Variants in ITPR2 observed in about 807,000 individuals in gnomAD.
The protein encoded by ITPR2 is inositol 1,4,5-trisphosphate receptor type 2.
A neutral mutation model predicts 317.1 loss-of-function variants in ITPR2; 207 were observed. The observed-to-expected ratio is 0.65, with a 90% CI of 0.58 to 0.73. The LOEUF is 0.73. ITPR2 is among the 30% of genes least tolerant of loss of function. The probability of loss-of-function intolerance (pLI) is 0.00; values close to 1 mark genes in which losing one functional copy is unlikely to be tolerated. For missense variants in ITPR2, 2,613 were observed against 3,284.0 expected, an observed-to-expected ratio of 0.80 and a Z score of 4.99; for synonymous variants, 1,156 against 1,149.1, an observed-to-expected ratio of 1.01 and a Z score of -0.12.
chr12:26,768,580 A>C (rs1046910167), intron 2 of ITPR2, among the ~76,000 whole-genome samples: 2 of 119,872 alleles, frequency 1.7e-5, no homozygotes, highest in Non-Finnish European at 4.1e-5. Flanking sequence ...ATAAAAAAAA[A>C]AAAAAAAAAA....
intron 41 of ITPR2, among the ~76,000 whole-genome samples, chr12:26,485,901 A>AT (rs561389302): frequency 6.6e-5 from 10 of 151,750 alleles, no homozygotes; most frequent in South Asian, 2.1e-4. Context: ...TATGAGCCTG[A>AT]TTTTTTTTTC....
intron 1 of ITPR2, 65 bp from the exon 2 acceptor site, chr12:26,790,292 A>C: frequency 8.3e-7 from 1 of 1,205,480 alleles, no homozygotes; most frequent in Non-Finnish European, 1.2e-6. Context: ...CAGACTGCAC[A>C]TGGATATTGC....
intron 37 of ITPR2, among the ~76,000 whole-genome samples, chr12:26,546,118 G>C (rs1944386267): frequency 6.6e-6 from 1 of 152,034 alleles, no homozygotes; most frequent in South Asian, 2.1e-4. Flanking sequence ...TTTTTATAAG[G>C]CTTTTCCTTT....
intron 13 of ITPR2, among the ~76,000 whole-genome samples, chr12:26,681,538 T>C (rs1948029916): frequency 6.6e-6 from 1 of 152,134 alleles, no homozygotes; most frequent in African/African-American, 2.4e-5. Context: ...TTCCTTTAGG[T>C]CCTTTAGAAC....
Position 26,815,909 on chromosome 12 carries a change from C to T in ITPR2, c.92+16781G>A, listed in dbSNP as rs567459055. ...GAGATCGAGACCATCCTGGCTAACA[C>T]GGTGAAACCCCACCTCCACTAAAAA... On this transcript the variant is annotated intron_variant, in intron 1 of 56. Transcript: ENST00000381340. 8.6e-5 allele frequency among the ~76,000 whole-genome samples: 13 copies of T among 151,794 alleles called. No homozygotes were observed. The East Asian group carries it at 9.7e-4, about 11-fold the overall frequency.
In ITPR2 at chr12:26,679,158, T is replaced by C. The variant is rs141349327; in HGVS notation, c.1409+2716A>G. Among the ~76,000 whole-genome samples the C allele has an allele frequency of 1.5e-3, 229 of 152,368 alleles. 1 individual carries two copies. The highest frequency in any genetic ancestry group is 5.1e-3 in the African/African-American group (214 of 41,598). On this transcript the variant is annotated intron_variant, in intron 13 of 56. Transcript: ENST00000381340. The stretch of plus-strand genomic sequence containing the variant: ...ATAAAAGTGGGCCAGTTGTTTCTGC[T>C]TCCGGCCTTTATTCATTTCCCCTAA...
chr12:26,788,190 G>A (rs1379214734), intron 2 of ITPR2, among the ~76,000 whole-genome samples: 1 of 152,164 alleles, frequency 6.6e-6, no homozygotes, highest in East Asian at 1.9e-4. Flanking sequence ...CCAAAGTGCT[G>A]GGATTACAGG....
chr12:26,667,208 A>G (rs764020759), intron 13 of ITPR2, among the ~76,000 whole-genome samples: 3 of 152,244 alleles, frequency 2.0e-5, no homozygotes, highest in Non-Finnish European at 4.4e-5. Context: ...ATTCAGTTGG[A>G]AAACATCTCT....
chr12:26,725,619 T>A, intron 3 of ITPR2, 31 bp downstream of exon 3: 1 of 1,465,922 alleles, frequency 6.8e-7, no homozygotes, highest in Non-Finnish European at 9.6e-7. Flanking sequence ...TTGGTTAGCC[T>A]AAGCCAGACA....
chr12:26,451,365 T>TCACACACACACACACACACACACA (rs57642539), intron 45 of ITPR2, among the ~76,000 whole-genome samples: 3 of 136,324 alleles, frequency 2.2e-5, no homozygotes, highest in African/African-American at 9.0e-5. Flanking sequence ...TTCTCTCATA[T>TCACACACACACACACACACACACA]CACACACACA....
chr12:26,816,423 C>T (rs1351051560), intron 1 of ITPR2, among the ~76,000 whole-genome samples: 1 of 152,124 alleles, frequency 6.6e-6, no homozygotes, highest in African/African-American at 2.4e-5. Flanking sequence ...CTGAAGATCA[C>T]ACCATGAGAG....
At chr12:26,649,505 C>T (rs568931305) in intron 21 of ITPR2, 1 of 152,242 alleles carries the variant, frequency 6.6e-6, no homozygotes, top group Non-Finnish European at 1.5e-5. Flanking sequence ...TACTGAATTG[C>T]ATATTGCATT....
At position 26,398,839 on chromosome 12, in the gene ITPR2, T is replaced by C. The variant is rs1363719885; in HGVS notation, c.7696+37A>G. The C allele has an allele frequency of 2.6e-6, 4 of 1,551,084 alleles. No individual in the cohort carries two copies. In the South Asian group the frequency reaches 4.8e-5, roughly 19 times the overall value. On this transcript the variant is annotated intron_variant, in intron 54 of 56. Transcript: ENST00000381340. ...TAGCCCCTCTTTCCTGCAAACAGTC[T>C]ATTCATCTATTATTTTAGCATCTGC...
intron 2 of ITPR2, among the ~76,000 whole-genome samples, chr12:26,772,489 TACATATA>T (rs1240844106): frequency 3.2e-3 from 315 of 99,796 alleles, no homozygotes; most frequent in African/African-American, 9.4e-3. Context: ...ATATATATAA[TACATATA>T]ATACATGTAT....
chr12:26,750,554 C>T (rs145931803), intron 2 of ITPR2, among the ~76,000 whole-genome samples: 7 of 152,320 alleles, frequency 4.6e-5, no homozygotes, highest in East Asian at 1.9e-4. Flanking sequence ...TTATTTCCAA[C>T]TCAGGACACC....
chr12:26,486,686 G>A (rs897051281), intron 40 of ITPR2: 4 of 528,640 alleles, frequency 7.6e-6, no homozygotes, highest in African/African-American at 5.7e-5. Context: ...TTTATGATTT[G>A]TATTTAATAC....
At chr12:26,570,345 T>C (rs1250233853) in intron 34 of ITPR2, among the ~76,000 whole-genome samples, 4 of 152,190 alleles carry the variant, frequency 2.6e-5, no homozygotes, top group African/African-American at 9.7e-5. Flanking sequence ...TGTATGATAT[T>C]GTCCTATTTT....
chr12:26,499,769 A>C (rs1943030133), intron 37 of ITPR2, among the ~76,000 whole-genome samples: 1 of 152,224 alleles, frequency 6.6e-6, no homozygotes, highest in Non-Finnish European at 1.5e-5. Flanking sequence ...GAAAAATAAT[A>C]AATGATAAAC....
chr12:26,796,947 G>A (rs1190233214), intron 1 of ITPR2, among the ~76,000 whole-genome samples: 1 of 152,122 alleles, frequency 6.6e-6, no homozygotes, highest in Non-Finnish European at 1.5e-5. Context: ...TGAGGCAGGG[G>A]AATTGCTTGA....
Sources: gnomAD v4.1 joint callset for allele counts (sites outside exome capture counted in the v4.1 genomes callset) on GRCh38, gnomAD v4.1.1 for gene constraint, MANE v1.5 for transcripts, NCBI Gene and HGNC (gene_info 2026-07-23, HGNC 2026-07-21) for gene names.